Variants in HECTD4 observed in about 807,000 individuals in gnomAD.
HECTD4 encodes the protein HECT domain E3 ubiquitin protein ligase 4, also known as probable E3 ubiquitin-protein ligase HECTD4.
Under a neutral mutation model 471.5 loss-of-function variants are expected in HECTD4, and 114 were observed. That is an observed-to-expected ratio of 0.24 (90% CI 0.21 to 0.28). HECTD4 has a LOEUF of 0.28. Ranked by LOEUF, HECTD4 falls within the 10% of genes least tolerant of loss-of-function variation. The pLI is 1.00. For missense variants in HECTD4, 3,866 were observed against 5,651.5 expected, an observed-to-expected ratio of 0.68 and a Z score of 10.13; for synonymous variants, 2,012 against 2,256.0, an observed-to-expected ratio of 0.89 and a Z score of 3.07.
At chr12:112,339,964 G>A (rs140871806) in intron 1 of HECTD4, among the ~76,000 whole-genome samples, 242 of 151,758 alleles carry the variant, frequency 1.6e-3, no homozygotes, top group Non-Finnish European at 2.3e-3. Flanking sequence ...CAGGAGAATC[G>A]TTTGAACCCG....
intron 1 of HECTD4, among the ~76,000 whole-genome samples, chr12:112,331,488 G>A (rs2035843834): frequency 6.6e-6 from 1 of 152,126 alleles, no homozygotes; most frequent in Non-Finnish European, 1.5e-5. Flanking sequence ...CTCCCCTTAG[G>A]CATTTTACTT....
chr12:112,291,452 CA>C (rs2034883238), intron 7 of HECTD4, among the ~76,000 whole-genome samples: 1 of 152,058 alleles, frequency 6.6e-6, no homozygotes, highest in Non-Finnish European at 1.5e-5. Flanking sequence ...ATACTTTTTA[CA>C]GGCCAGGTGC....
chr12:112,374,177 A>G (rs989222273), intron 1 of HECTD4, among the ~76,000 whole-genome samples: 8 of 151,922 alleles, frequency 5.3e-5, no homozygotes, highest in Admixed American at 2.6e-4. Context: ...TCTCTATAAA[A>G]CATTAAAAAA....
chr12:112,253,484 A>G (rs1304983941), intron 22 of HECTD4, among the ~76,000 whole-genome samples: 3 of 152,218 alleles, frequency 2.0e-5, no homozygotes, highest in Non-Finnish European at 4.4e-5. Context: ...CATAACATAT[A>G]TGAAATAAAG....
At position 112,295,795 on chromosome 12, in the gene HECTD4, T is replaced by C. The variant is rs116232107; in HGVS notation, c.1335+10269A>G. ...TAGCTGGGACTACGGACATGCACCA[T>C]TAAATTAAAAAAAAAATATATATAT... is the stretch of plus-strand genomic sequence containing the variant. On this transcript the variant is annotated intron_variant, in intron 7 of 75. Coordinates refer to ENST00000682272, the MANE Select transcript of HECTD4 (RefSeq NM_001388303.1). Among the ~76,000 whole-genome samples the C allele has an allele frequency of 8.2e-3, 1,219 of 148,916 alleles. 17 individuals are homozygous for C. The highest frequency in any genetic ancestry group is 0.029 in the African/African-American group (1,168 of 39,902).
In HECTD4 at chr12:112,200,688, A is replaced by C. The variant is rs1487595466; in HGVS notation, c.8517T>G (p.Thr2839=). 4 of 1,614,018 alleles carry C rather than the reference A, an allele frequency of 2.5e-6. No homozygotes were observed. The highest frequency in any genetic ancestry group is 2.2e-5 in the East Asian group (1 of 44,890). The change falls in exon 55 of 76, where the codon ACT becomes ACG. Residue 2839 remains threonine, a synonymous_variant. Coordinates refer to ENST00000682272, the MANE Select transcript of HECTD4 (RefSeq NM_001388303.1). ...LERPPAGYRR[T]ATNGLVTLDN... ...CCAGTGTGACCAGCCCATTGGTGGC[A>C]GTCCTTCGGTAGCCTGCTGGGGGCC...
chr12:112,259,519 T>G (rs2034097357), intron 18 of HECTD4, among the ~76,000 whole-genome samples: 1 of 130,344 alleles, frequency 7.7e-6, no homozygotes, highest in Non-Finnish European at 1.5e-5. Context: ...TAAGCTGCCT[T>G]TTTTTTTTTT....
rs147732972 is a variant in HECTD4 at position 112,275,490 on chromosome 12, T to G, written c.1688-530A>C. ...GTTTGAATTCCAGCTCTAAAACTTT[T>G]GGGTGGCCCTGGGAAAGTCATTGAA... On this transcript the variant is annotated intron_variant, in intron 9 of 75. Coordinates refer to ENST00000682272, the MANE Select transcript of HECTD4 (RefSeq NM_001388303.1). Among the ~76,000 whole-genome samples the G allele has an allele frequency of 6.5e-4, 99 of 152,288 alleles. 1 individual carries two copies. The East Asian group carries it at 0.016, about 25-fold the overall frequency.
At position 112,245,711 on chromosome 12, in the gene HECTD4, T is replaced by A. The variant is rs76736770; in HGVS notation, c.4513+1190A>T. On this transcript the variant is annotated intron_variant, in intron 29 of 75. Coordinates refer to ENST00000682272, the MANE Select transcript of HECTD4 (RefSeq NM_001388303.1). ...AACATGGACTCTTTCATTTAAGAACTTGTTTATTTAACTTTATCTCTCAGG... is the reference window on the plus strand; with the variant it reads ...AACATGGACTCTTTCATTTAAGAACATGTTTATTTAACTTTATCTCTCAGG... Among the ~76,000 whole-genome samples, 8,453 of 152,340 alleles carry A rather than the reference T, an allele frequency of 0.055. 1,296 individuals carry two copies. In the East Asian group the frequency reaches 0.61, roughly 11 times the overall value.
intron 4 of HECTD4, among the ~76,000 whole-genome samples, chr12:112,309,934 CT>C (rs953562204): frequency 2.6e-5 from 4 of 151,322 alleles, no homozygotes; most frequent in African/African-American, 9.7e-5. Flanking sequence ...GTTTTTCTTT[CT>C]TTTTTTTTGA....
intron 50 of HECTD4, among the ~76,000 whole-genome samples, chr12:112,209,129 T>C (rs555175904): frequency 2.0e-5 from 3 of 152,124 alleles, no homozygotes; most frequent in African/African-American, 7.2e-5. Flanking sequence ...CTCAAACTCC[T>C]GGGCTCAAGC....
At chr12:112,359,754 G>A (rs900872044) in intron 1 of HECTD4, among the ~76,000 whole-genome samples, 17 of 151,510 alleles carry the variant, frequency 1.1e-4, no homozygotes, top group Admixed American at 3.3e-4. Context: ...GATCTCTGTC[G>A]TCAGGCTGAG....
At chr12:112,258,949 T>G in intron 19 of HECTD4, 163 bp downstream of exon 19, 1 of 656,178 alleles carries the variant, frequency 1.5e-6, no homozygotes, top group South Asian at 2.3e-5. Flanking sequence ...TTTTCCCTTA[T>G]TATTTATTTT....
intron 44 of HECTD4, among the ~76,000 whole-genome samples, chr12:112,225,620 C>CAAAAA (rs781152688): frequency 1.8e-5 from 1 of 56,284 alleles, no homozygotes; most frequent in Non-Finnish European, 3.6e-5. Flanking sequence ...AATTGTAAGG[C>CAAAAA]AAAAAAAAAA....
rs781778979 is a variant in HECTD4, at chr12:112,243,536, G to A, written c.4792-17C>T. The stretch of plus-strand genomic sequence containing the variant: ...GCTGGACACCTGAAACACACAAGGA[G>A]GGACACCTGACTCCTGCTAACTGCC... On this transcript the variant is annotated splice_polypyrimidine_tract_variant and intron_variant, in intron 31 of 75. Transcript: ENST00000682272. The surrounding 1 kb of genome is among the most constrained non-coding windows in gnomAD (Gnocchi z 6.6). 5.6e-6 allele frequency: 9 copies of A among 1,602,816 alleles called. No individual in the cohort carries two copies. Among genetic ancestry groups the A allele is most frequent in the Non-Finnish European group, 6.8e-6 (8 of 1,174,570 alleles).
At chr12:112,328,594 T>G (rs1310837075) in intron 1 of HECTD4, among the ~76,000 whole-genome samples, 1 of 152,164 alleles carries the variant, frequency 6.6e-6, no homozygotes, top group Non-Finnish European at 1.5e-5. Flanking sequence ...CAACAAAGAC[T>G]TGAAAAGCTC....
At chr12:112,354,221 C>A (rs895349350) in intron 1 of HECTD4, among the ~76,000 whole-genome samples, 2 of 151,964 alleles carry the variant, frequency 1.3e-5, no homozygotes, top group African/African-American at 4.8e-5. Flanking sequence ...CTACCGTGAC[C>A]AGCTAATTTT....
chr12:112,252,557 C>T, intron 22 of HECTD4, 29 bp from the exon 23 acceptor site: 1 of 1,593,634 alleles, frequency 6.3e-7, no homozygotes, highest in Non-Finnish European at 8.5e-7. Flanking sequence ...GGGGGAAATG[C>T]ACTTTAAAAA....
chr12:112,301,170 G>A (rs1293033086), intron 7 of HECTD4, among the ~76,000 whole-genome samples: 1 of 150,462 alleles, frequency 6.6e-6, no homozygotes, highest in African/African-American at 2.5e-5. Context: ...ACAGGCATGA[G>A]CCACCACGCC....
Sources: gnomAD v4.1 joint callset for allele counts (sites outside exome capture counted in the v4.1 genomes callset) on GRCh38, gnomAD v4.1.1 for gene constraint, Gnocchi (gnomAD v3.1) non-coding constraint, MANE v1.5 for transcripts, NCBI Gene and HGNC (gene_info 2026-07-23, HGNC 2026-07-21) for gene names.